Variants in LGALS9 observed in about 807,000 individuals in gnomAD.
LGALS9 encodes galectin 9.
A neutral mutation model predicts 35.9 loss-of-function variants in LGALS9; 26 were observed. That is an observed-to-expected ratio of 0.72 (90% CI 0.53 to 1.01). The LOEUF (loss-of-function observed/expected upper bound fraction) is 1.01. Ranked by LOEUF, LGALS9 falls within the 50% of genes least tolerant of loss-of-function variation. The probability of loss-of-function intolerance (pLI) is 0.00; values close to 1 mark genes in which losing one functional copy is unlikely to be tolerated. For synonymous variants in LGALS9, 149 were observed against 172.2 expected, an observed-to-expected ratio of 0.87 and a Z score of 1.06; for missense variants, 347 against 445.8, an observed-to-expected ratio of 0.78 and a Z score of 1.99.
In LGALS9 at chr17:27,642,280, G is replaced by A. The variant is rs778679416; in HGVS notation, c.376G>A (p.Val126Met). ...CCTCTTCGTGCAGTACTTCCACCGC[G>A]TGCCCTTCCACCGTGTGGACACCAT... ...GILFVQYFHR[V>M]PFHRVDTISV... The change falls in exon 4 of 11, where the codon GTG becomes ATG. Residue 126 changes from valine (V) to methionine (M), a missense_variant. Val to Met is a conservative substitution (Grantham distance 21). Transcript: ENST00000395473. 6.2e-6 allele frequency: 10 copies of A among 1,612,844 alleles called. No homozygotes were observed. In the East Asian group the frequency reaches 1.6e-4, roughly 25 times the overall value.
At chr17:27,637,641 C>T (rs529268345) in intron 1 of LGALS9, among the ~76,000 whole-genome samples, 46 of 152,356 alleles carry the variant, frequency 3.0e-4, no homozygotes, top group Admixed American at 5.2e-4. Context: ...CCCACGGCTA[C>T]AGAAGGCATC....
At chr17:27,640,453 G>C (rs1904382715) in intron 2 of LGALS9, 119 bp from the exon 3 acceptor site, 3 of 1,428,718 alleles carry the variant, frequency 2.1e-6, no homozygotes, top group Non-Finnish European at 2.9e-6. Flanking sequence ...AGCAGTCTCT[G>C]CCATACAGGT....
chr17:27,637,997 C>G (rs554544652), intron 1 of LGALS9, among the ~76,000 whole-genome samples: 2 of 152,290 alleles, frequency 1.3e-5, no homozygotes, highest in African/African-American at 4.8e-5. Flanking sequence ...GACTCTCACA[C>G]AAGCTCAGCT....
intron 8 of LGALS9, 93 bp from the exon 9 acceptor site, chr17:27,646,937 G>A (rs1598190116): frequency 6.4e-7 from 1 of 1,558,270 alleles, no homozygotes; most frequent in East Asian, 2.2e-5. Context: ...AAGATATCAT[G>A]GGCTTCTTCT....
chr17:27,637,491 A>G (rs2074465705), intron 1 of LGALS9, among the ~76,000 whole-genome samples: 2 of 152,224 alleles, frequency 1.3e-5, no homozygotes, highest in Non-Finnish European at 2.9e-5. Context: ...TCCTTTAAAG[A>G]GCACCAGAAG....
At chr17:27,632,053 G>A (rs934720393) in intron 1 of LGALS9, among the ~76,000 whole-genome samples, 14 of 152,030 alleles carry the variant, frequency 9.2e-5, no homozygotes, top group Non-Finnish European at 1.5e-5. Context: ...AGGTTTATGA[G>A]TCCCCTTCAT....
chr17:27,649,120 T>A lies in LGALS9; in HGVS notation c.*138T>A. 1.4e-6 allele frequency: 2 copies of A among 1,390,942 alleles called. No homozygotes were observed. The highest frequency in any genetic ancestry group is 2.1e-5 in the Admixed American group (1 of 47,576). The allele number at this position is 1,390,942 out of a possible 1,614,324, so 86.2% of individuals were successfully genotyped here. On this transcript the variant is annotated 3_prime_UTR_variant, in exon 11 of 11. Coordinates refer to ENST00000395473, the MANE Select transcript of LGALS9 (RefSeq NM_009587.3). Reference sequence around the variant, plus strand: ...ATGCAGAGGCCATGTCCTTGTCTGGTCCTGCTTCTGGCTACAGCCACCCTG... The same window carrying A: ...ATGCAGAGGCCATGTCCTTGTCTGGACCTGCTTCTGGCTACAGCCACCCTG...
intron 1 of LGALS9, among the ~76,000 whole-genome samples, chr17:27,631,973 G>A (rs974432788): frequency 6.6e-6 from 1 of 152,058 alleles, no homozygotes; most frequent in Admixed American, 6.6e-5. Context: ...TCTCAGAGGT[G>A]AGAGGGGGGT....
intron 1 of LGALS9, among the ~76,000 whole-genome samples, chr17:27,633,699 G>A (rs183193901): frequency 2.2e-3 from 335 of 152,374 alleles, no homozygotes; most frequent in Non-Finnish European, 3.9e-3. Context: ...GGATCGATTT[G>A]TTCAATGCAA....
At chr17:27,646,176 TG>T (rs1284138764) in intron 7 of LGALS9, among the ~76,000 whole-genome samples, 1 of 151,926 alleles carries the variant, frequency 6.6e-6, no homozygotes, top group Non-Finnish European at 1.5e-5. Context: ...TGTCACCAAG[TG>T]GGGAGTACAG....
chr17:27,640,905 CT>C (rs1166915708), intron 3 of LGALS9, 132 bp downstream of exon 3: 2 of 1,387,676 alleles, frequency 1.4e-6, no homozygotes, highest in African/African-American at 2.9e-5. Flanking sequence ...CGCTCATTTC[CT>C]TGTGAGGTGT....
chr17:27,645,108 AC>A (rs1170389786), intron 5 of LGALS9: 10 of 913,802 alleles, frequency 1.1e-5, no homozygotes, highest in African/African-American at 5.0e-5. Context: ...GGGATACCCT[AC>A]CCCCCAACCC....
intron 1 of LGALS9, among the ~76,000 whole-genome samples, chr17:27,636,457 A>G (rs1397107899): frequency 6.6e-6 from 1 of 152,072 alleles, no homozygotes; most frequent in Non-Finnish European, 1.5e-5. Context: ...TTCATTTTGT[A>G]TCTCTATAAT....
intron 1 of LGALS9, among the ~76,000 whole-genome samples, chr17:27,634,462 G>A (rs2074421894): frequency 5.9e-5 from 9 of 152,066 alleles, no homozygotes; most frequent in Admixed American, 4.6e-4. Flanking sequence ...GAGGTGGGAG[G>A]GTCACGTGAG....
intron 1 of LGALS9, among the ~76,000 whole-genome samples, chr17:27,636,510 C>T (rs773862724): frequency 3.9e-5 from 6 of 152,172 alleles, no homozygotes; most frequent in East Asian, 1.9e-4. Flanking sequence ...CACTTTGTTG[C>T]CCAGGCTGGA....
At chr17:27,638,748 A>AG (rs1279983047) in intron 2 of LGALS9, 1 of 302,886 alleles carries the variant, frequency 3.3e-6, no homozygotes, top group African/African-American at 2.2e-5. Context: ...AATATTGAAA[A>AG]TTGCCATCAA....
chr17:27,648,902 T>G lies in LGALS9; in HGVS notation c.988T>G (p.Tyr330Asp). Reference sequence around the variant, plus strand: ...GGATGGTCAGCACCTGTTTGAATACTACCATCGCCTGAGGAACCTGCCCAC... The same window carrying G: ...GGATGGTCAGCACCTGTTTGAATACGACCATCGCCTGAGGAACCTGCCCAC... ...AVDGQHLFEY[Y>D]HRLRNLPTIN... Residue 330 changes from tyrosine to aspartate, a missense_variant, in exon 11 of 11, where the codon TAC (tyrosine) becomes GAC (aspartate). Physicochemically the swap from Tyr to Asp is radical, Grantham distance 160. Transcript: ENST00000395473. 2 of 1,613,972 alleles carry G rather than the reference T, an allele frequency of 1.2e-6. No homozygotes were observed. The highest frequency in any genetic ancestry group is 1.7e-6 in the Non-Finnish European group (2 of 1,179,852).
At chr17:27,634,805 C>T (rs1452449746) in intron 1 of LGALS9, among the ~76,000 whole-genome samples, 1 of 152,142 alleles carries the variant, frequency 6.6e-6, no homozygotes, top group Non-Finnish European at 1.5e-5. Flanking sequence ...TCCGGGGATT[C>T]GAATGTGGAT....
In LGALS9 at chr17:27,647,015, C is replaced by G; in HGVS notation, c.670-15C>G. On this transcript the variant is annotated splice_polypyrimidine_tract_variant and intron_variant, in intron 8 of 10. Coordinates refer to ENST00000395473, the MANE Select transcript of LGALS9 (RefSeq NM_009587.3). ...CTTCCGCGTGGTGGCTGACCTGTCCCCCTTCTTCCGACAGCCGATGCCTTT... is the reference window on the plus strand; with the variant it reads ...CTTCCGCGTGGTGGCTGACCTGTCCGCCTTCTTCCGACAGCCGATGCCTTT... The G allele has an allele frequency of 6.2e-7, 1 of 1,613,952 alleles. No homozygotes were observed. The highest frequency in any genetic ancestry group is 1.7e-5 in the Admixed American group (1 of 60,018).
Sources: gnomAD v4.1 joint callset for allele counts (sites outside exome capture counted in the v4.1 genomes callset) on GRCh38, gnomAD v4.1.1 for gene constraint, MANE v1.5 for transcripts, NCBI Gene and HGNC (gene_info 2026-07-23, HGNC 2026-07-21) for gene names.